GAS2L3: variants seen among roughly 807,000 people sequenced by gnomAD.
GAS2L3 encodes the protein GAS2-like protein 3.
Under a neutral mutation model 37.0 loss-of-function variants are expected in GAS2L3, and 28 were observed. The observed-to-expected ratio is 0.76, with a 90% CI of 0.56 to 1.04. The LOEUF is 1.04. GAS2L3 is among the 50% of genes least tolerant of loss of function. The probability of loss-of-function intolerance (pLI) is 0.00; values close to 1 mark genes in which losing one functional copy is unlikely to be tolerated. For missense variants in GAS2L3, 793 were observed against 817.6 expected (o/e 0.97, Z 0.37); for synonymous variants, 290 against 296.6 (o/e 0.98, Z 0.23).
At position 100,625,105 on chromosome 12, in the gene GAS2L3, G is replaced by A. The variant is rs182023719; in HGVS notation, c.*215G>A. 1.3e-3 allele frequency: 559 copies of A among 423,196 alleles called. 4 individuals carry two copies. Among genetic ancestry groups the A allele is most frequent in the African/African-American group, 1.0e-2 (505 of 50,532 alleles). 26.2% of individuals were successfully genotyped at this position (423,196 alleles called of 1,614,324 possible). A position where few individuals can be genotyped will look rare whatever the true frequency, so the allele number is the denominator to read the frequency against. ...CAAACAGTTGTAAAATCACTGCAAG[G>A]TTTTTATTAATAATAGACATGTATA... On this transcript the variant is annotated 3_prime_UTR_variant, in exon 10 of 10. Transcript: ENST00000547754.
Position 100,607,938 on chromosome 12 carries a change from C to T in GAS2L3, c.304-4062C>T, listed in dbSNP as rs1041264507. Among the ~76,000 whole-genome samples, 6 of 152,086 alleles carry T rather than the reference C, an allele frequency of 3.9e-5. No homozygotes were observed. In the South Asian group the frequency reaches 8.3e-4, roughly 21 times the overall value. ...GTCCCTGGTACCTTATTGGTGAGGT[C>T]GTGTTTTCCTGGATGGTCTTGATGC... is the stretch of plus-strand genomic sequence containing the variant. On this transcript the variant is annotated intron_variant, in intron 5 of 9. Transcript: ENST00000547754.
At chr12:100,617,194 G>A (rs1194145724) in intron 6 of GAS2L3, among the ~76,000 whole-genome samples, 1 of 151,996 alleles carries the variant, frequency 6.6e-6, no homozygotes, top group Non-Finnish European at 1.5e-5. Context: ...TCTATATGCT[G>A]CCAGATTTGG....
At chr12:100,604,383 T>G (rs1247205616) in intron 5 of GAS2L3, among the ~76,000 whole-genome samples, 2 of 151,902 alleles carry the variant, frequency 1.3e-5, no homozygotes, top group African/African-American at 4.8e-5. Context: ...TTTTATTTCC[T>G]TCTCAGATTG....
intron 3 of GAS2L3, among the ~76,000 whole-genome samples, chr12:100,595,582 C>T (rs938142127): frequency 1.3e-5 from 2 of 151,818 alleles, no homozygotes; most frequent in Non-Finnish European, 2.9e-5. Flanking sequence ...ATAAAAGTCA[C>T]ATTGAAGGTC....
chr12:100,588,441 G>T (rs1202764983), intron 1 of GAS2L3, among the ~76,000 whole-genome samples: 1 of 151,928 alleles, frequency 6.6e-6, no homozygotes, highest in African/African-American at 2.4e-5. Flanking sequence ...TGCTTCAAAG[G>T]GCAAAAAACA....
rs1416862528 is a variant in GAS2L3 at position 100,627,046 on chromosome 12, G to C, written c.*2156G>C. Among the ~76,000 whole-genome samples the C allele has an allele frequency of 6.8e-6, 1 of 146,350 alleles. No homozygotes were observed. The highest frequency in any genetic ancestry group is 1.5e-5 in the Non-Finnish European group (1 of 66,846). ...AGAGGTTGCAGTGAGCCAAGATTGC[G>C]CCACTGCACTCCAGCCTGGGCAACA... On this transcript the variant is annotated 3_prime_UTR_variant, in exon 10 of 10. Transcript: ENST00000547754.
intron 5 of GAS2L3, among the ~76,000 whole-genome samples, chr12:100,608,640 G>A (rs1443679865): frequency 6.6e-6 from 1 of 152,102 alleles, no homozygotes; most frequent in African/African-American, 2.4e-5. Flanking sequence ...TTCTGCCTCA[G>A]CCTCCCTAGT....
At chr12:100,579,473 G>C in intron 1 of GAS2L3, 1 of 772,306 alleles carries the variant, frequency 1.3e-6, no homozygotes, top group Non-Finnish European at 2.4e-6. Flanking sequence ...TTTGGTTAGT[G>C]GTATTATACC....
chr12:100,600,905 G>A (rs764771702), intron 4 of GAS2L3, among the ~76,000 whole-genome samples: 1 of 151,626 alleles, frequency 6.6e-6, no homozygotes, highest in Non-Finnish European at 1.5e-5. Context: ...TCTTGTATAA[G>A]CCATGAACTT....
At chr12:100,579,987 C>G in intron 1 of GAS2L3, 2 of 966,996 alleles carry the variant, frequency 2.1e-6, no homozygotes, top group Non-Finnish European at 3.4e-6. Flanking sequence ...ACTGGACAGA[C>G]TTATTTCTCA....
In GAS2L3 at chr12:100,607,054, A is replaced by C. The variant is rs568764314; in HGVS notation, c.304-4946A>C. Among the ~76,000 whole-genome samples the C allele has an allele frequency of 3.3e-5, 5 of 152,312 alleles. No homozygotes were observed. In the South Asian group the frequency reaches 1.0e-3, roughly 32 times the overall value. ...GGAAACCAGAATATTCTTATTGCTCATTAACATCCTTTTCTTTCAGACTGA... is the reference window on the plus strand; with the variant it reads ...GGAAACCAGAATATTCTTATTGCTCCTTAACATCCTTTTCTTTCAGACTGA... On this transcript the variant is annotated intron_variant, in intron 5 of 9. Coordinates refer to ENST00000547754, the MANE Select transcript of GAS2L3 (RefSeq NM_174942.3).
At chr12:100,590,952 G>A (rs1163090145) in intron 1 of GAS2L3, among the ~76,000 whole-genome samples, 1 of 151,974 alleles carries the variant, frequency 6.6e-6, no homozygotes, top group African/African-American at 2.4e-5. Context: ...AGGGGGGCAA[G>A]GGATAGAAGA....
chr12:100,602,464 A>AAT (rs1055634841), intron 5 of GAS2L3, among the ~76,000 whole-genome samples: 2 of 151,708 alleles, frequency 1.3e-5, no homozygotes, highest in South Asian at 2.1e-4. Flanking sequence ...ATATATATAT[A>AAT]ATATATATAT....
intron 1 of GAS2L3, among the ~76,000 whole-genome samples, chr12:100,586,860 C>T (rs142018315): frequency 0.023 from 3,432 of 152,118 alleles, 78 homozygotes; most frequent in Admixed American, 0.078. Context: ...GAGAAAAAAT[C>T]CAAATAACCT....
At chr12:100,618,338 G>T in intron 7 of GAS2L3, 111 bp from the exon 8 acceptor site, 1 of 1,046,218 alleles carries the variant, frequency 9.6e-7, no homozygotes, top group East Asian at 2.5e-5. Context: ...TGAAACAATT[G>T]GTAGAAGAGG....
In GAS2L3 at chr12:100,613,199, G is replaced by C. The variant is rs146593875; in HGVS notation, c.445+1058G>C. Among the ~76,000 whole-genome samples, 155 of 152,296 alleles carry C rather than the reference G, an allele frequency of 1.0e-3. No homozygotes were observed. In the East Asian group the frequency reaches 0.02, roughly 19 times the overall value. ...GTTTATTATTTCTGAAAGGACATAA[G>C]ATTGTTGTATATTTCTCATTTTCAG... On this transcript the variant is annotated intron_variant, in intron 6 of 9. Transcript: ENST00000547754.
intron 3 of GAS2L3, 52 bp from the exon 4 acceptor site, chr12:100,600,330 A>T: frequency 8.7e-7 from 1 of 1,148,118 alleles, no homozygotes; most frequent in East Asian, 2.3e-5. Context: ...GATTATGATG[A>T]CTTTTAGCAA....
At chr12:100,582,943 G>C (rs1955732067) in intron 1 of GAS2L3, among the ~76,000 whole-genome samples, 1 of 152,112 alleles carries the variant, frequency 6.6e-6, no homozygotes, top group South Asian at 2.1e-4. Flanking sequence ...ATCTCTCTTT[G>C]ATGCTCTTCC....
chr12:100,619,034 A>G (rs1332742172), intron 8 of GAS2L3, among the ~76,000 whole-genome samples: 2 of 152,140 alleles, frequency 1.3e-5, no homozygotes, highest in African/African-American at 2.4e-5. Flanking sequence ...AGGAACAAAT[A>G]TAAGACATAT....
Sources: gnomAD v4.1 joint callset for allele counts (sites outside exome capture counted in the v4.1 genomes callset) on GRCh38, gnomAD v4.1.1 for gene constraint, MANE v1.5 for transcripts, NCBI Gene and HGNC (gene_info 2026-07-23, HGNC 2026-07-21) for gene names.